The following KCNK9 variants were observed in gnomAD, a reference collection of about 807,000 sequenced individuals.
KCNK9 encodes the protein potassium channel subfamily K member 9.
KCNK9 carries 1 observed loss-of-function variant against 10.8 expected under a neutral mutation model. That is an observed-to-expected ratio of 0.09 (90% CI 0.03 to 0.44). KCNK9 has a LOEUF of 0.44. KCNK9 is among the 20% of genes least tolerant of loss of function. The probability of loss-of-function intolerance (pLI) is 0.97; values close to 1 mark genes in which losing one functional copy is unlikely to be tolerated. For missense variants in KCNK9, 303 were observed against 515.0 expected, an observed-to-expected ratio of 0.59 and a Z score of 3.98; for synonymous variants, 231 against 222.7, an observed-to-expected ratio of 1.04 and a Z score of -0.33.
chr8:139,677,454 G>C (rs1816574301), intron 1 of KCNK9, among the ~76,000 whole-genome samples: 1 of 152,154 alleles, frequency 6.6e-6, no homozygotes. Context: ...AGCTCGCCTG[G>C]GCTGCTGGTT....
rs1353863324 is a variant in KCNK9, at chr8:139,617,817, G to A, written c.*441C>T. 6.6e-6 allele frequency among the ~76,000 whole-genome samples: 1 copy of A among 152,136 alleles called. No homozygotes were observed. Among genetic ancestry groups the A allele is most frequent in the African/African-American group, 2.4e-5 (1 of 41,434 alleles). ...CAGTCACTCAGTCCTTAGGAAAAGAGAAAGGAGTTAGGTCAGAGACACCAC... is the reference window on the plus strand; with the variant it reads ...CAGTCACTCAGTCCTTAGGAAAAGAAAAAGGAGTTAGGTCAGAGACACCAC... On this transcript the variant is annotated 3_prime_UTR_variant, in exon 2 of 2. Coordinates refer to ENST00000520439, the MANE Select transcript of KCNK9 (RefSeq NM_001282534.2).
intron 1 of KCNK9, among the ~76,000 whole-genome samples, chr8:139,641,960 C>T (rs1324229081): frequency 1.3e-5 from 2 of 152,210 alleles, no homozygotes; most frequent in Non-Finnish European, 2.9e-5. Flanking sequence ...CTCTGCCATA[C>T]AGATGTCCAC....
At chr8:139,614,352 G>A (rs147815682), downstream of KCNK9, among the ~76,000 whole-genome samples, 1 of 152,288 alleles carries the variant, frequency 6.6e-6, no homozygotes, top group African/African-American at 2.4e-5. Flanking sequence ...AGGCTTTTGT[G>A]GACAGTGGTC....
chr8:139,678,423 G>T (rs1407478249), intron 1 of KCNK9, among the ~76,000 whole-genome samples: 1 of 152,200 alleles, frequency 6.6e-6, no homozygotes, highest in African/African-American at 2.4e-5. Context: ...CCCCACTCCT[G>T]CTCAGGGCAA....
At position 139,693,625 on chromosome 8, in the gene KCNK9, A is replaced by G. The variant is rs574878767; in HGVS notation, c.283+9085T>C. Among the ~76,000 whole-genome samples the G allele has an allele frequency of 2.6e-5, 4 of 152,278 alleles. No homozygotes were observed. Among genetic ancestry groups the G allele is most frequent in the Non-Finnish European group, 5.9e-5 (4 of 68,024 alleles). On this transcript the variant is annotated intron_variant, in intron 1 of 1. Coordinates refer to ENST00000520439, the MANE Select transcript of KCNK9 (RefSeq NM_001282534.2). This position sits in a 1 kb window ranked among gnomAD's most constrained non-coding sequence, Gnocchi z 4.1. The stretch of plus-strand genomic sequence containing the variant: ...GTCTACTCAGAAAACTGAGTAGCAC[A>G]GTGGGCTGGGGAGCAAAGAAACAAG...
chr8:139,629,287 A>C (rs1375756792), intron 1 of KCNK9, among the ~76,000 whole-genome samples: 1 of 152,142 alleles, frequency 6.6e-6, no homozygotes, highest in Non-Finnish European at 1.5e-5. Flanking sequence ...GGAGGGCAGA[A>C]AGGCCTACAC....
rs1440259139 is a variant in KCNK9, at chr8:139,687,500, A to ATT, written c.283+15209_283+15210insAA. Among the ~76,000 whole-genome samples, 44 of 64,444 alleles carry ATT rather than the reference A, an allele frequency of 6.8e-4. 11 individuals carry two copies. The highest frequency in any genetic ancestry group is 2.3e-3 in the African/African-American group (40 of 17,306). 42.3% of individuals were successfully genotyped at this position (64,444 alleles called of 152,430 possible). A position where few individuals can be genotyped will look rare whatever the true frequency, so the allele number is the denominator to read the frequency against. On this transcript the variant is annotated intron_variant, in intron 1 of 1. Coordinates refer to ENST00000520439, the MANE Select transcript of KCNK9 (RefSeq NM_001282534.2). ...TATGTATACATATATACACATATAT[A>ATT]CATATATATGTATACACATATATTC... is the stretch of plus-strand genomic sequence containing the variant.
At chr8:139,686,561 C>T (rs1185275791) in intron 1 of KCNK9, among the ~76,000 whole-genome samples, 1 of 152,204 alleles carries the variant, frequency 6.6e-6, no homozygotes. Flanking sequence ...CTAACTTAAT[C>T]TTCTCAACAA....
intron 1 of KCNK9, among the ~76,000 whole-genome samples, chr8:139,671,222 G>A (rs1239730086): frequency 6.6e-6 from 1 of 152,246 alleles, no homozygotes; most frequent in East Asian, 1.9e-4. Context: ...CTGAAGGGCA[G>A]AGGGCTTCTG....
intron 1 of KCNK9, among the ~76,000 whole-genome samples, chr8:139,642,553 C>T (rs1037639067): frequency 2.6e-5 from 4 of 152,218 alleles, no homozygotes; most frequent in Non-Finnish European, 5.9e-5. Context: ...CTGAAACCCC[C>T]GAGTCAAAAT....
At chr8:139,664,155 AG>A (rs1485915635) in intron 1 of KCNK9, among the ~76,000 whole-genome samples, 2 of 152,252 alleles carry the variant, frequency 1.3e-5, no homozygotes, top group Non-Finnish European at 2.9e-5. Flanking sequence ...GGGCAGAACC[AG>A]GGCTGTGATG....
At chr8:139,674,160 G>A (rs1240385911) in intron 1 of KCNK9, among the ~76,000 whole-genome samples, 3 of 152,216 alleles carry the variant, frequency 2.0e-5, no homozygotes, top group Non-Finnish European at 2.9e-5. Context: ...GGTACTTGGA[G>A]GTGGGGCCTT....
chr8:139,622,160 T>A (rs901205513), intron 1 of KCNK9, among the ~76,000 whole-genome samples: 1 of 152,170 alleles, frequency 6.6e-6, no homozygotes, highest in African/African-American at 2.4e-5. Context: ...ATCGAGGACA[T>A]CCCTTGGTAA....
chr8:139,673,842 T>C (rs1201961208), intron 1 of KCNK9, among the ~76,000 whole-genome samples: 1 of 151,948 alleles, frequency 6.6e-6, no homozygotes, highest in African/African-American at 2.4e-5. Context: ...CCCAGGATCA[T>C]GCTGAGCCAG....
At chr8:139,601,108 G>T (rs1817354462) in exon 3 of KCNK9, 1 of 152,212 alleles carries the variant, frequency 6.6e-6, no homozygotes, top group African/African-American at 2.4e-5. Flanking sequence ...CCAGGTGAGA[G>T]AGTTGCAGAC....
At chr8:139,630,746 G>C (rs1161460971) in intron 1 of KCNK9, among the ~76,000 whole-genome samples, 1 of 152,232 alleles carries the variant, frequency 6.6e-6, no homozygotes, top group African/African-American at 2.4e-5. Context: ...ACTGCACATC[G>C]TGTGTCCTGA....
At chr8:139,620,879 G>A (rs1392403080) in intron 1 of KCNK9, among the ~76,000 whole-genome samples, 1 of 152,154 alleles carries the variant, frequency 6.6e-6, no homozygotes, top group Non-Finnish European at 1.5e-5. Flanking sequence ...GAAGAGCAGA[G>A]AGGAATAAAG....
downstream of KCNK9, chr8:139,612,047 A>T (rs1814442358): frequency 6.6e-6 from 1 of 152,250 alleles, no homozygotes; most frequent in Admixed American, 6.5e-5. Flanking sequence ...AGGGGAGCCC[A>T]GAAGAGGACA....
chr8:139,635,333 A>G (rs1434709001), intron 1 of KCNK9, among the ~76,000 whole-genome samples: 1 of 152,230 alleles, frequency 6.6e-6, no homozygotes, highest in Non-Finnish European at 1.5e-5. Context: ...CAGATTTTCT[A>G]CATGTGACAT....
Sources: gnomAD v4.1 joint callset for allele counts (sites outside exome capture counted in the v4.1 genomes callset) on GRCh38, gnomAD v4.1.1 for gene constraint, Gnocchi (gnomAD v3.1) non-coding constraint, MANE v1.5 for transcripts, NCBI Gene and HGNC (gene_info 2026-07-23, HGNC 2026-07-21) for gene names.